PDGFC: variants seen among roughly 807,000 people sequenced by gnomAD.
PDGFC encodes the protein platelet-derived growth factor C.
In PDGFC, 12 loss-of-function variants were observed where a neutral mutation model predicts 35.5. That is an observed-to-expected ratio of 0.34 (90% confidence interval 0.22 to 0.55). PDGFC has a LOEUF of 0.55. Ranked by LOEUF, PDGFC falls within the 20% of genes least tolerant of loss-of-function variation. The probability of loss-of-function intolerance (pLI) is 0.91; values close to 1 mark genes in which losing one functional copy is unlikely to be tolerated. For missense variants in PDGFC, 322 were observed against 412.4 expected, an observed-to-expected ratio of 0.78 and a Z score of 1.90; for synonymous variants, 159 against 148.8, an observed-to-expected ratio of 1.07 and a Z score of -0.50.
chr4:156,858,312 C>T (rs557296995), intron 1 of PDGFC, among the ~76,000 whole-genome samples: 1 of 151,976 alleles, frequency 6.6e-6, no homozygotes. Context: ...TGGGATATGA[C>T]GTTTTAAAAT....
intron 1 of PDGFC, among the ~76,000 whole-genome samples, chr4:156,894,237 G>T (rs1220678537): frequency 6.6e-6 from 1 of 151,956 alleles, no homozygotes; most frequent in Non-Finnish European, 1.5e-5. Context: ...ACTTTTTACT[G>T]GACAGTTCAA....
intron 1 of PDGFC, among the ~76,000 whole-genome samples, chr4:156,919,122 G>A (rs1391590804): frequency 5.3e-5 from 8 of 152,194 alleles, no homozygotes; most frequent in African/African-American, 7.2e-5. Flanking sequence ...AGTTGGTAAC[G>A]TATTGCACTT....
intron 3 of PDGFC, among the ~76,000 whole-genome samples, chr4:156,805,766 AT>A (rs531121558): frequency 5.3e-5 from 8 of 152,042 alleles, no homozygotes; most frequent in South Asian, 4.1e-4. Flanking sequence ...ATGAAAAAAA[AT>A]ATCCTCCCTC....
At chr4:156,830,657 T>C (rs1326490899) in intron 2 of PDGFC, among the ~76,000 whole-genome samples, 1 of 152,218 alleles carries the variant, frequency 6.6e-6, no homozygotes, top group Non-Finnish European at 1.5e-5. Flanking sequence ...CACCAAGTTA[T>C]GACTAATGGG....
chr4:156,787,037 T>C (rs1283699431), intron 3 of PDGFC, among the ~76,000 whole-genome samples: 2 of 152,328 alleles, frequency 1.3e-5, no homozygotes, highest in South Asian at 2.1e-4. Context: ...ATGGGCTAGA[T>C]ACATAAATTT....
At chr4:156,893,933 C>T (rs1242283992) in intron 1 of PDGFC, among the ~76,000 whole-genome samples, 4 of 152,110 alleles carry the variant, frequency 2.6e-5, no homozygotes, top group Non-Finnish European at 5.9e-5. Flanking sequence ...TTTCTTCTCT[C>T]ACACAACTAG....
chr4:156,886,410 T>C (rs1730377247), intron 1 of PDGFC, among the ~76,000 whole-genome samples: 1 of 152,246 alleles, frequency 6.6e-6, no homozygotes, highest in Non-Finnish European at 1.5e-5. Context: ...GATTAATATT[T>C]TTTAACTGTG....
chr4:156,896,437 C>A (rs539809613), intron 1 of PDGFC, among the ~76,000 whole-genome samples: 16 of 152,242 alleles, frequency 1.1e-4, no homozygotes, highest in African/African-American at 3.9e-4. Context: ...TTTACATGCT[C>A]CTGGTCAAGA....
chr4:156,828,661 T>G (rs1406728364), intron 2 of PDGFC, among the ~76,000 whole-genome samples: 1 of 152,162 alleles, frequency 6.6e-6, no homozygotes, highest in Non-Finnish European at 1.5e-5. Flanking sequence ...TATAATTGTA[T>G]TCTGGAAATA....
intron 1 of PDGFC, among the ~76,000 whole-genome samples, chr4:156,887,583 C>A (rs1186258801): frequency 6.6e-6 from 1 of 151,934 alleles, no homozygotes; most frequent in Non-Finnish European, 1.5e-5. Flanking sequence ...TTGATTGATA[C>A]CAGGAGAAGA....
intron 3 of PDGFC, among the ~76,000 whole-genome samples, chr4:156,787,079 G>A (rs1230072292): frequency 6.6e-6 from 1 of 152,184 alleles, no homozygotes; most frequent in Non-Finnish European, 1.5e-5. Flanking sequence ...ATTACTAAAA[G>A]TCATGAGACT....
chr4:156,793,644 A>C (rs1465257089), intron 3 of PDGFC, among the ~76,000 whole-genome samples: 2 of 150,718 alleles, frequency 1.3e-5, no homozygotes, highest in Non-Finnish European at 3.0e-5. Context: ...TTGGGCAAAA[A>C]AATTTTTTAA....
In PDGFC at chr4:156,926,326, A is replaced by G. The variant is rs560649470; in HGVS notation, c.118+44460T>C. Among the ~76,000 whole-genome samples the G allele has an allele frequency of 3.3e-5, 5 of 152,284 alleles. No homozygotes were observed. The East Asian group carries it at 9.7e-4, about 30-fold the overall frequency. ...TGATAGAACCAAGAAAACTCAGGAA[A>G]AAAGAGATTATTTTCATGTGACAAA... is the stretch of plus-strand genomic sequence containing the variant. On this transcript the variant is annotated intron_variant, in intron 1 of 5. Coordinates refer to ENST00000502773, the MANE Select transcript of PDGFC (RefSeq NM_016205.3).
intron 3 of PDGFC, among the ~76,000 whole-genome samples, chr4:156,787,202 A>G (rs1343695725): frequency 6.6e-6 from 1 of 152,166 alleles, no homozygotes; most frequent in Non-Finnish European, 1.5e-5. Context: ...GTTGAGAGAG[A>G]GAGAAGGAGG....
At chr4:156,860,534 A>G (rs1247186491) in intron 1 of PDGFC, among the ~76,000 whole-genome samples, 1 of 152,154 alleles carries the variant, frequency 6.6e-6, no homozygotes, top group Admixed American at 6.6e-5. Flanking sequence ...GAAAGCAAAG[A>G]TATGAACAAA....
chr4:156,957,163 G>T (rs550706990), intron 1 of PDGFC, among the ~76,000 whole-genome samples: 1 of 152,112 alleles, frequency 6.6e-6, no homozygotes, highest in South Asian at 2.1e-4. Context: ...ATCAACGGTA[G>T]GAGAACTTTC....
chr4:156,802,581 C>CAT (rs1232950262), intron 3 of PDGFC, among the ~76,000 whole-genome samples: 4 of 149,420 alleles, frequency 2.7e-5, no homozygotes, highest in Admixed American at 6.7e-5. Context: ...CACACACACA[C>CAT]ACATATACAT....
Position 156,901,442 on chromosome 4 carries a change from T to C in PDGFC, c.119-51026A>G, listed in dbSNP as rs566989826. ...GACACAGAGGGAGACCAGGAAAGAA[T>C]GACTGACTCAAGTAATGCAGGCAAG... On this transcript the variant is annotated intron_variant, in intron 1 of 5. Transcript: ENST00000502773. 5.3e-5 allele frequency among the ~76,000 whole-genome samples: 8 copies of C among 152,142 alleles called. No homozygotes were observed. The South Asian group carries it at 1.5e-3, about 28-fold the overall frequency.
intron 1 of PDGFC, among the ~76,000 whole-genome samples, chr4:156,967,135 G>C (rs983018067): frequency 4.0e-5 from 6 of 151,798 alleles, no homozygotes; most frequent in African/African-American, 1.5e-4. Flanking sequence ...TTAGTCTGCA[G>C]TTAGAGCCTA....
Sources: gnomAD v4.1 joint callset for allele counts (sites outside exome capture counted in the v4.1 genomes callset) on GRCh38, gnomAD v4.1.1 for gene constraint, MANE v1.5 for transcripts, NCBI Gene and HGNC (gene_info 2026-07-23, HGNC 2026-07-21) for gene names.